TNFSF4: variants seen among roughly 807,000 people sequenced by gnomAD.
The protein encoded by TNFSF4 is tumor necrosis factor ligand superfamily member 4.
Under a neutral mutation model 7.3 loss-of-function variants are expected in TNFSF4, and 4 were observed. The ratio of observed to expected loss-of-function variants is 0.55; its 90% CI spans 0.27 to 1.25. The LOEUF is 1.25. Among genes scored for constraint, TNFSF4 ranks in the 50% most tolerant of loss-of-function variants. The pLI, the probability that TNFSF4 is intolerant of heterozygous loss-of-function variation, is 0.12. For synonymous variants in TNFSF4, 76 were observed against 83.7 expected, an observed-to-expected ratio of 0.91 and a Z score of 0.50; for missense variants, 181 against 208.8, an observed-to-expected ratio of 0.87 and a Z score of 0.82.
At chr1:173,182,539 C>T (rs981775643), downstream of TNFSF4, among the ~76,000 whole-genome samples, 1 of 152,026 alleles carries the variant, frequency 6.6e-6, no homozygotes, top group Non-Finnish European at 1.5e-5. Flanking sequence ...AGTTTTCAGA[C>T]GTAAAATAGG....
chr1:173,284,545 T>C, the TNFSF4 span, among the ~76,000 whole-genome samples: 2 of 152,202 alleles, frequency 1.3e-5, no homozygotes, highest in South Asian at 2.1e-4. Context: ...AGAACTGTCA[T>C]AGCCAGAGAG....
chr1:173,256,249 T>C, the TNFSF4 span, among the ~76,000 whole-genome samples: 3 of 152,158 alleles, frequency 2.0e-5, no homozygotes, highest in Non-Finnish European at 2.9e-5. Flanking sequence ...CAAAATACCA[T>C]GGCCTGGGTG....
chr1:173,339,974 G>A, the TNFSF4 span, among the ~76,000 whole-genome samples: 2 of 152,148 alleles, frequency 1.3e-5, no homozygotes, highest in East Asian at 3.8e-4. Flanking sequence ...GCTTCTGGAT[G>A]AGATAAAATA....
chr1:173,296,317 C>T, the TNFSF4 span, among the ~76,000 whole-genome samples: 1 of 151,932 alleles, frequency 6.6e-6, no homozygotes, highest in East Asian at 1.9e-4. Context: ...TTCTACCCAA[C>T]AAATATTTAT....
At chr1:173,400,792 A>G in the TNFSF4 span, among the ~76,000 whole-genome samples, 2 of 152,240 alleles carry the variant, frequency 1.3e-5, no homozygotes, top group African/African-American at 4.8e-5. Context: ...CAATCCAGAC[A>G]GAACTACTAA....
the TNFSF4 span, among the ~76,000 whole-genome samples, chr1:173,397,436 C>T: frequency 2.6e-5 from 4 of 152,210 alleles, no homozygotes; most frequent in Admixed American, 6.5e-5. Context: ...CTACTGGACC[C>T]TGGCTCTGAA....
At chr1:173,181,223 CTTCTGCTAATAT>C (rs1449659118), downstream of TNFSF4, among the ~76,000 whole-genome samples, 2 of 152,122 alleles carry the variant, frequency 1.3e-5, no homozygotes, top group African/African-American at 4.8e-5. Flanking sequence ...TAGAGATTAC[CTTCTGCTAATAT>C]TTCTACAACT....
the TNFSF4 span, among the ~76,000 whole-genome samples, chr1:173,369,028 A>C: frequency 6.6e-6 from 1 of 152,192 alleles, no homozygotes; most frequent in Non-Finnish European, 1.5e-5. Flanking sequence ...GACTATCTGG[A>C]ATTTTAGGAT....
chr1:173,246,180 G>A, the TNFSF4 span, among the ~76,000 whole-genome samples: 29 of 152,108 alleles, frequency 1.9e-4, no homozygotes, highest in African/African-American at 6.3e-4. Context: ...TTAAGTTCTG[G>A]GATACATGTG....
Position 173,188,521 on chromosome 1 carries a change from C to A in TNFSF4, c.202G>T (p.Glu68Ter). The A allele has an allele frequency of 1.9e-6, 3 of 1,607,558 alleles. No individual in the cohort carries two copies. The highest frequency in any genetic ancestry group is 1.1e-5 in the South Asian group (1 of 90,628). Residue 68 changes from glutamate (E) to a stop codon, truncating the protein, a stop_gained and splice_region_variant, in exon 2 of 3, where the codon GAA becomes TAA. Transcript: ENST00000281834. LOFTEE classifies it low-confidence loss of function (END_TRUNC). ...CAATTAAACTTTTGACAATACTTAC[C>A]GGTAAATTGTACTTTGATACTTTGA... ...RIQSIKVQFT[E>*]YKKEKGFILT...
chr1:173,267,274 A>G, the TNFSF4 span, among the ~76,000 whole-genome samples: 50 of 152,186 alleles, frequency 3.3e-4, 1 homozygote, highest in Non-Finnish European at 6.2e-4. Context: ...TACCTTTGCC[A>G]GGCTATATTG....
chr1:173,235,311 GA>G, the TNFSF4 span, among the ~76,000 whole-genome samples: 2 of 152,064 alleles, frequency 1.3e-5, no homozygotes, highest in Non-Finnish European at 2.9e-5. Flanking sequence ...AGCTCTCAGA[GA>G]AAAAAGGGGG....
At chr1:173,194,340 T>C (rs1431068627) in intron 1 of TNFSF4, among the ~76,000 whole-genome samples, 1 of 152,256 alleles carries the variant, frequency 6.6e-6, no homozygotes, top group Non-Finnish European at 1.5e-5. Flanking sequence ...ATACAATCCT[T>C]ACTTTTGATG....
chr1:173,412,733 C>T, the TNFSF4 span, among the ~76,000 whole-genome samples: 2 of 152,036 alleles, frequency 1.3e-5, no homozygotes, highest in African/African-American at 2.4e-5. Context: ...TAACAGAAGT[C>T]GGAATAGTGA....
the TNFSF4 span, among the ~76,000 whole-genome samples, chr1:173,233,854 A>C: frequency 6.6e-6 from 1 of 152,172 alleles, no homozygotes; most frequent in East Asian, 1.9e-4. Flanking sequence ...CTAGAAGAAA[A>C]CCTAGGCAAT....
At chr1:173,300,961 C>CAT in the TNFSF4 span, among the ~76,000 whole-genome samples, 147,487 of 151,928 alleles carry the variant, frequency 0.97, 71,709 homozygotes, top group East Asian at 1. Context: ...GTTTGAGAAA[C>CAT]GTAATTTACG....
chr1:173,430,036 G>A, the TNFSF4 span, among the ~76,000 whole-genome samples: 1 of 151,968 alleles, frequency 6.6e-6, no homozygotes, highest in Non-Finnish European at 1.5e-5. Flanking sequence ...GAGTGTGTAG[G>A]GCCTCGCCCA....
chr1:173,327,525 CT>C, the TNFSF4 span, among the ~76,000 whole-genome samples: 2 of 151,236 alleles, frequency 1.3e-5, no homozygotes, highest in Non-Finnish European at 3.0e-5. Flanking sequence ...AACTAAAGAG[CT>C]TCTGCACAGC....
chr1:173,432,623 CTG>C, the TNFSF4 span, among the ~76,000 whole-genome samples: 1 of 151,924 alleles, frequency 6.6e-6, no homozygotes, highest in African/African-American at 2.4e-5. Flanking sequence ...GCCACCCAGT[CTG>C]TGTACATTCT....
Sources: gnomAD v4.1 joint callset for allele counts (sites outside exome capture counted in the v4.1 genomes callset) on GRCh38, gnomAD v4.1.1 for gene constraint, MANE v1.5 for transcripts, NCBI Gene and HGNC (gene_info 2026-07-23, HGNC 2026-07-21) for gene names.